The following SUCLG2 variants were observed in gnomAD, a reference collection of about 807,000 sequenced individuals.
The protein encoded by SUCLG2 is succinate--CoA ligase [GDP-forming] subunit beta, mitochondrial.
A neutral mutation model predicts 47.9 loss-of-function variants in SUCLG2; 42 were observed. That is an observed-to-expected ratio of 0.88 (90% CI 0.69 to 1.14). The LOEUF (loss-of-function observed/expected upper bound fraction) is 1.14, where lower values mean the gene tolerates loss of function less well. SUCLG2 is among the 50% of genes most tolerant of loss of function. The probability of loss-of-function intolerance (pLI) is 0.00; values close to 1 mark genes in which losing one functional copy is unlikely to be tolerated. For synonymous variants in SUCLG2, 195 were observed against 197.3 expected (o/e 0.99, Z 0.10); for missense variants, 571 against 525.9 (o/e 1.09, Z -0.84).
At chr3:67,480,345 G>A (rs917312803) in intron 9 of SUCLG2, among the ~76,000 whole-genome samples, 1 of 152,190 alleles carries the variant, frequency 6.6e-6, no homozygotes, top group African/African-American at 2.4e-5. Flanking sequence ...CATCTAGAAG[G>A]CTTGTTAAAA....
chr3:67,433,800 G>GT (rs1703546179), intron 9 of SUCLG2, among the ~76,000 whole-genome samples: 1 of 145,948 alleles, frequency 6.9e-6, no homozygotes, highest in Non-Finnish European at 1.5e-5. Flanking sequence ...GCGGGATTTA[G>GT]TAAAAAAAAA....
At chr3:67,391,131 T>C (rs1345826408) in intron 10 of SUCLG2, among the ~76,000 whole-genome samples, 1 of 152,228 alleles carries the variant, frequency 6.6e-6, no homozygotes, top group Non-Finnish European at 1.5e-5. Flanking sequence ...TTTTGCCAAA[T>C]GTCTTTAAAA....
intron 7 of SUCLG2, among the ~76,000 whole-genome samples, chr3:67,501,438 T>C (rs778127249): frequency 7.9e-5 from 12 of 152,224 alleles, no homozygotes; most frequent in Non-Finnish European, 1.5e-4. Flanking sequence ...ATTCCTAGCA[T>C]AGAGCTCTAA....
chr3:67,571,615 A>G (rs1039006841), intron 2 of SUCLG2, among the ~76,000 whole-genome samples: 1 of 152,238 alleles, frequency 6.6e-6, no homozygotes, highest in Non-Finnish European at 1.5e-5. Context: ...ATAAGACCAT[A>G]TATTAGAACA....
intron 2 of SUCLG2, among the ~76,000 whole-genome samples, chr3:67,537,384 G>C (rs1227905353): frequency 6.6e-6 from 1 of 152,094 alleles, no homozygotes; most frequent in Non-Finnish European, 1.5e-5. Context: ...CCATGTCCCT[G>C]AAAAGGACAT....
intron 2 of SUCLG2, among the ~76,000 whole-genome samples, chr3:67,607,900 G>T (rs1030076682): frequency 7.9e-5 from 12 of 152,084 alleles, no homozygotes; most frequent in Non-Finnish European, 1.2e-4. Context: ...TGATTGTGAG[G>T]TCTCCCCAGC....
intron 1 of SUCLG2, among the ~76,000 whole-genome samples, chr3:67,610,909 T>C (rs907874731): frequency 6.6e-6 from 1 of 152,188 alleles, no homozygotes; most frequent in African/African-American, 2.4e-5. Flanking sequence ...ATACCCCCAC[T>C]ACTAGACTGT....
chr3:67,584,028 T>C (rs1054661796), intron 2 of SUCLG2, among the ~76,000 whole-genome samples: 2 of 152,196 alleles, frequency 1.3e-5, no homozygotes, highest in African/African-American at 4.8e-5. Context: ...GGTAAAAGTC[T>C]TGGGGCCAGA....
At chr3:67,618,559 A>G (rs1262610712) in intron 1 of SUCLG2, among the ~76,000 whole-genome samples, 1 of 152,212 alleles carries the variant, frequency 6.6e-6, no homozygotes, top group African/African-American at 2.4e-5. Context: ...GCTGATTAAG[A>G]GAGAGTCACG....
At chr3:67,465,850 G>A (rs973534474) in intron 9 of SUCLG2, among the ~76,000 whole-genome samples, 1 of 152,002 alleles carries the variant, frequency 6.6e-6, no homozygotes, top group Non-Finnish European at 1.5e-5. Flanking sequence ...ATTATCTAGT[G>A]TGGCACCCAG....
chr3:67,622,101 T>C (rs1034342031), intron 1 of SUCLG2, among the ~76,000 whole-genome samples: 4 of 152,068 alleles, frequency 2.6e-5, no homozygotes, highest in African/African-American at 4.8e-5. Context: ...AGATGCTACA[T>C]AGAAATAACA....
chr3:67,449,134 A>C (rs1703995609), intron 9 of SUCLG2, among the ~76,000 whole-genome samples: 1 of 152,238 alleles, frequency 6.6e-6, no homozygotes, highest in Non-Finnish European at 1.5e-5. Context: ...AGACAGATTA[A>C]AATCCAATCC....
chr3:67,583,897 G>A lies in SUCLG2; in HGVS notation c.226+25558C>T, dbSNP rs189090967. 8.5e-5 allele frequency among the ~76,000 whole-genome samples: 13 copies of A among 152,184 alleles called. No individual in the cohort carries two copies. In the East Asian group the frequency reaches 2.1e-3, roughly 25 times the overall value. On this transcript the variant is annotated intron_variant, in intron 2 of 10. Coordinates refer to ENST00000307227, the MANE Select transcript of SUCLG2 (RefSeq NM_003848.4). Reference sequence around the variant, plus strand: ...TTAAGGGCTTATGTGATCATACTGGGTCCATCTAGTTAATCCAGGATAATC... The same window carrying A: ...TTAAGGGCTTATGTGATCATACTGGATCCATCTAGTTAATCCAGGATAATC...
chr3:67,360,757 C>A lies in SUCLG2; in HGVS notation c.1195G>T (p.Glu399Ter). ...ATGTGCATATAACTTCCTTTTTTTT[C>A]CATAAAAGTACCTGAAATTGGAGTG... is the stretch of plus-strand genomic sequence containing the variant. Residue 399 changes from glutamate (E) to a stop codon, truncating the protein, a stop_gained, in exon 11 of 11, where the codon GAA (glutamate) becomes TAA (stop). Transcript: ENST00000493112. LOFTEE classifies it low-confidence loss of function (END_TRUNC). 1 of 1,508,574 alleles carries A rather than the reference C, an allele frequency of 6.6e-7. No individual in the cohort carries two copies. 93.4% of individuals were successfully genotyped at this position (1,508,574 alleles called of 1,614,324 possible). A position where few individuals can be genotyped will look rare whatever the true frequency, so the allele number is the denominator to read the frequency against.
intron 9 of SUCLG2, among the ~76,000 whole-genome samples, chr3:67,434,198 T>C (rs1268749906): frequency 1.3e-5 from 2 of 152,164 alleles, no homozygotes; most frequent in East Asian, 1.9e-4. Flanking sequence ...TTGTTTAACA[T>C]AATCAAGAAA....
At chr3:67,424,244 A>G (rs1218538808) in intron 9 of SUCLG2, among the ~76,000 whole-genome samples, 1 of 152,224 alleles carries the variant, frequency 6.6e-6, no homozygotes, top group Non-Finnish European at 1.5e-5. Flanking sequence ...GAGGGGACTC[A>G]GCCCACTGTG....
chr3:67,484,320 C>T (rs922273628), intron 9 of SUCLG2, among the ~76,000 whole-genome samples: 4 of 152,180 alleles, frequency 2.6e-5, no homozygotes, highest in African/African-American at 9.7e-5. Flanking sequence ...GGCATCTAGC[C>T]TGGAAACTGA....
chr3:67,480,523 A>G (rs1249990290), intron 9 of SUCLG2, among the ~76,000 whole-genome samples: 2 of 152,214 alleles, frequency 1.3e-5, no homozygotes, highest in Non-Finnish European at 2.9e-5. Flanking sequence ...ACTAAGCCCT[A>G]TGATGGCAGG....
At chr3:67,575,734 C>T (rs1055755093) in intron 2 of SUCLG2, among the ~76,000 whole-genome samples, 1 of 152,146 alleles carries the variant, frequency 6.6e-6, no homozygotes, top group African/African-American at 2.4e-5. Flanking sequence ...AGCTAGCCAA[C>T]AAGGACACCT....
Sources: gnomAD v4.1 joint callset for allele counts (sites outside exome capture counted in the v4.1 genomes callset) on GRCh38, gnomAD v4.1.1 for gene constraint, MANE v1.5 for transcripts, NCBI Gene and HGNC (gene_info 2026-07-23, HGNC 2026-07-21) for gene names.